TXNRD1: variants seen among roughly 807,000 people sequenced by gnomAD.
TXNRD1 encodes the protein thioredoxin reductase 1, cytoplasmic.
TXNRD1 carries 57 observed loss-of-function variants against 80.3 expected under a neutral mutation model. That is an observed-to-expected ratio of 0.71 (90% CI 0.57 to 0.89). The LOEUF is 0.89. TXNRD1 is among the 40% of genes least tolerant of loss of function. The pLI is 0.00. For synonymous variants in TXNRD1, 291 were observed against 285.2 expected (o/e 1.02, Z -0.20); for missense variants, 730 against 803.0 (o/e 0.91, Z 1.10).
Position 104,327,539 on chromosome 12 carries a change from TGAA to T in TXNRD1, c.1414_1416del (p.Glu472del), listed in dbSNP as rs765097242. The stretch of plus-strand genomic sequence containing the variant: ...GGACTGGAAAAATACCTGTCACAGA[TGAA>T]GAACAGACCAATGTGCCTTACATCT... On this transcript the variant is annotated inframe_deletion, in exon 13 of 17. Transcript: ENST00000525566. The T allele has an allele frequency of 1.9e-6, 3 of 1,613,430 alleles. No homozygotes were observed. In the African/African-American group the frequency reaches 4.0e-5, roughly 22 times the overall value.
Position 104,286,848 on chromosome 12 carries a change from A to T in TXNRD1, c.305-2083A>T, listed in dbSNP as rs575749293. The T allele has an allele frequency of 5.5e-5, 59 of 1,080,388 alleles. 1 individual carries two copies. Among genetic ancestry groups the T allele is most frequent in the Non-Finnish European group, 4.3e-5 (38 of 884,738 alleles). 66.9% of individuals were successfully genotyped at this position (1,080,388 alleles called of 1,614,324 possible). ...GGGGGCGGCTATGAGCAGGCAGAGG[A>T]TGTGGTGTCACCCAATTAGGAGCTC... On this transcript the variant is annotated intron_variant, in intron 3 of 16. Coordinates refer to ENST00000525566, the MANE Select transcript of TXNRD1 (RefSeq NM_001093771.3).
At position 104,270,436 on chromosome 12, in the gene TXNRD1, G is replaced by A. The variant is rs373387727; in HGVS notation, c.304+12357G>A. On this transcript the variant is annotated intron_variant, in intron 3 of 16. Transcript: ENST00000525566. ...TGACCACATGCACTGTCAATGAGCA[G>A]TAATATTTTCAAAAGTCTTCTTTTC... Among the ~76,000 whole-genome samples the A allele has an allele frequency of 7.2e-5, 11 of 152,284 alleles. 1 individual carries two copies. Among genetic ancestry groups the A allele is most frequent in the African/African-American group, 2.6e-4 (11 of 41,566 alleles).
At chr12:104,247,106 C>T (rs1254063005) in intron 1 of TXNRD1, among the ~76,000 whole-genome samples, 4 of 151,938 alleles carry the variant, frequency 2.6e-5, no homozygotes, top group Admixed American at 6.6e-5. Context: ...GTCTCACGGT[C>T]GCCCAGGCTG....
chr12:104,289,236 G>A lies in TXNRD1; in HGVS notation c.414+196G>A, dbSNP rs777979437. ...AGACGTTGGACAAATTTCACATCTC[G>A]GGAAACTTGAAATTTCTAACGCTTT... On this transcript the variant is annotated intron_variant, in intron 4 of 16. Transcript: ENST00000525566. 2.4e-4 allele frequency: 125 copies of A among 513,084 alleles called. 1 individual carries two copies. The highest frequency in any genetic ancestry group is 4.1e-4 in the Non-Finnish European group (121 of 297,548). 31.8% of individuals were successfully genotyped at this position (513,084 alleles called of 1,614,324 possible).
chr12:104,308,003 T>C (rs897840204), intron 4 of TXNRD1, among the ~76,000 whole-genome samples: 12 of 151,788 alleles, frequency 7.9e-5, no homozygotes, highest in Non-Finnish European at 1.5e-4. Context: ...TTCTTTCTTT[T>C]TTTTTTTTTT....
intron 1 of TXNRD1, among the ~76,000 whole-genome samples, chr12:104,224,492 A>G (rs761480415): frequency 2.0e-5 from 3 of 151,996 alleles, no homozygotes; most frequent in South Asian, 2.1e-4. Flanking sequence ...AGGTTGAGGC[A>G]ATTCTTCTGC....
chr12:104,247,586 A>G (rs192733402), intron 1 of TXNRD1, among the ~76,000 whole-genome samples: 8 of 152,074 alleles, frequency 5.3e-5, no homozygotes, highest in African/African-American at 1.7e-4. Context: ...TTAGTGGCTA[A>G]CCTCTTATGA....
At chr12:104,343,845 T>G (rs917634685) in intron 16 of TXNRD1, among the ~76,000 whole-genome samples, 1 of 150,538 alleles carries the variant, frequency 6.6e-6, no homozygotes, top group East Asian at 2.0e-4. Context: ...GGCTCACGCC[T>G]GTAATCCCAG....
intron 4 of TXNRD1, among the ~76,000 whole-genome samples, chr12:104,299,100 T>A (rs935167848): frequency 2.0e-5 from 3 of 152,202 alleles, no homozygotes; most frequent in African/African-American, 7.2e-5. Context: ...ATACAGTATT[T>A]ATTTCTTTAT....
intron 2 of TXNRD1, among the ~76,000 whole-genome samples, chr12:104,251,947 G>A (rs923286071): frequency 6.6e-5 from 10 of 151,286 alleles, no homozygotes; most frequent in African/African-American, 2.4e-4. Context: ...GCCTGTAGTC[G>A]CAGCTACTCG....
Position 104,311,336 on chromosome 12 carries a change from C to T in TXNRD1, c.461C>T (p.Pro154Leu), listed in dbSNP as rs767393020. The T allele has an allele frequency of 5.0e-6, 8 of 1,612,154 alleles. No homozygotes were observed. In the South Asian group the frequency reaches 8.8e-5, roughly 18 times the overall value. The change falls in exon 5 of 17, where the codon CCT becomes CTT. Residue 154 changes from proline to leucine, a missense_variant. Pro to Leu is a moderately conservative substitution (Grantham distance 98). Coordinates refer to ENST00000525566, the MANE Select transcript of TXNRD1 (RefSeq NM_001093771.3). ...CAAAAGCTACTAAAAATGAACGGCC[C>T]TGAAGATCTTCCCAAGTCCTATGAC... ...RLQKLLKMNG[P>L]EDLPKSYDYD... is the part of the protein sequence containing the mutation.
intron 4 of TXNRD1, among the ~76,000 whole-genome samples, chr12:104,307,158 AACTG>A (rs1388919493): frequency 6.6e-6 from 1 of 152,222 alleles, no homozygotes; most frequent in African/African-American, 2.4e-5. Flanking sequence ...TTTGAAATTA[AACTG>A]ACTGCTTACC....
chr12:104,232,018 G>C (rs2032635250), intron 1 of TXNRD1, among the ~76,000 whole-genome samples: 1 of 152,232 alleles, frequency 6.6e-6, no homozygotes, highest in Non-Finnish European at 1.5e-5. Context: ...ATAGGACTGT[G>C]TGTGTTGTTC....
chr12:104,330,105 A>C (rs533557619), intron 13 of TXNRD1, among the ~76,000 whole-genome samples: 2 of 152,198 alleles, frequency 1.3e-5, no homozygotes, highest in East Asian at 3.9e-4. Flanking sequence ...TTAGAATTCC[A>C]AGGTTCTATG....
chr12:104,256,776 C>CAAAAAAAAAAAAAA (rs71069738), intron 2 of TXNRD1, among the ~76,000 whole-genome samples: 1 of 119,040 alleles, frequency 8.4e-6, no homozygotes, highest in African/African-American at 3.3e-5. Context: ...GACTCTGTCT[C>CAAAAAAAAAAAAAA]AAAAAAAAAA....
intron 16 of TXNRD1, among the ~76,000 whole-genome samples, chr12:104,345,748 A>T (rs2036468027): frequency 6.6e-6 from 1 of 152,176 alleles, no homozygotes; most frequent in Non-Finnish European, 1.5e-5. Context: ...AAATATTAAA[A>T]GTTTTTGTGT....
chr12:104,287,169 G>C (rs531820550), intron 3 of TXNRD1: 1 of 1,571,320 alleles, frequency 6.4e-7, no homozygotes, highest in South Asian at 1.2e-5. Context: ...GGAGCACGCG[G>C]GGGACGGCCT....
At chr12:104,292,936 A>C (rs2034279307) in intron 4 of TXNRD1, among the ~76,000 whole-genome samples, 1 of 152,356 alleles carries the variant, frequency 6.6e-6, no homozygotes, top group African/African-American at 2.4e-5. Context: ...TTTAACAATG[A>C]ATAGAAAAAT....
At chr12:104,265,268 A>G in intron 3 of TXNRD1, 22 of 1,527,154 alleles carry the variant, frequency 1.4e-5, no homozygotes, top group Non-Finnish European at 1.9e-5. Context: ...AAAAAAAAAA[A>G]ACTTCCTTTT....
Sources: allele counts gnomAD v4.1 joint callset (sites outside exome capture counted in the v4.1 genomes callset), GRCh38; gene constraint gnomAD v4.1.1; transcripts MANE v1.5; gene names NCBI Gene and HGNC (gene_info 2026-07-23, HGNC 2026-07-21).